Variants in ANKRD35 observed in about 807,000 individuals in gnomAD.
ANKRD35 encodes ankyrin repeat domain-containing protein 35.
ANKRD35 carries 102 observed loss-of-function variants against 109.9 expected under a neutral mutation model. The observed-to-expected ratio is 0.93, with a 90% confidence interval of 0.79 to 1.09. The LOEUF is 1.09. Among genes scored for constraint, ANKRD35 ranks in the 50% least tolerant of loss-of-function variants. The pLI is 0.00. For synonymous variants in ANKRD35, 515 were observed against 512.4 expected (o/e 1.01, Z -0.07); for missense variants, 1,240 against 1,230.1 (o/e 1.01, Z -0.12).
At chr1:145,883,446 A>G (rs1055557429) in intron 1 of ANKRD35, among the ~76,000 whole-genome samples, 3 of 152,242 alleles carry the variant, frequency 2.0e-5, no homozygotes, top group Admixed American at 1.3e-4. Flanking sequence ...TAGGCAGAGT[A>G]AGCTCATAGG....
chr1:145,874,019 C>G (rs1553739594), intron 9 of ANKRD35, 34 bp from the exon 10 acceptor site: 1 of 1,612,286 alleles, frequency 6.2e-7, no homozygotes, highest in Non-Finnish European at 8.5e-7. Context: ...AGTGTGGCCA[C>G]TAGGCAACGA....
At chr1:145,884,422 T>C (rs1654403405) in intron 1 of ANKRD35, among the ~76,000 whole-genome samples, 1 of 152,254 alleles carries the variant, frequency 6.6e-6, no homozygotes, top group East Asian at 1.9e-4. Flanking sequence ...CAGAATGAGC[T>C]AATTGAACAT....
chr1:145,874,334 C>G, intron 8 of ANKRD35, 142 bp from the exon 9 acceptor site: 1 of 954,698 alleles, frequency 1.0e-6, no homozygotes, highest in Non-Finnish European at 1.6e-6. Context: ...TGCCAGAAGC[C>G]AATCTTGTTT....
In ANKRD35 at chr1:145,872,177, G is replaced by T. The variant is rs1553738843; in HGVS notation, c.2592C>A (p.Cys864Ter). 1.9e-6 allele frequency: 3 copies of T among 1,608,712 alleles called. No individual in the cohort carries two copies. Among genetic ancestry groups the T allele is most frequent in the Non-Finnish European group, 2.5e-6 (3 of 1,177,716 alleles). ...KALLEKYNTA[C>*]REVGRLREAV... ...CCTCCCGCAGCCGACCCACTTCCCG[G>T]CAGGCCGTATTATACTTTTCCAACA... Residue 864 changes from cysteine (C) to a stop codon, truncating the protein, a stop_gained, in exon 10 of 14, where the codon TGC becomes TGA. Coordinates refer to ENST00000355594, the MANE Select transcript of ANKRD35 (RefSeq NM_144698.5). LOFTEE classifies it high-confidence loss of function.
intron 10 of ANKRD35, among the ~76,000 whole-genome samples, chr1:145,869,597 T>A (rs1653734184): frequency 1.3e-5 from 2 of 152,120 alleles, no homozygotes; most frequent in Admixed American, 6.5e-5. Context: ...GCCTCCTGAG[T>A]AGCACAGGAA....
intron 9 of ANKRD35, 36 bp downstream of exon 9, chr1:145,874,119 G>A (rs782743667): frequency 5.0e-6 from 8 of 1,613,778 alleles, no homozygotes; most frequent in Middle Eastern, 1.6e-4. Flanking sequence ...CCTGGGGTGT[G>A]TCAAAAGCAA....
At chr1:145,875,838 C>A (rs587734592) in intron 7 of ANKRD35, among the ~76,000 whole-genome samples, 1 of 152,284 alleles carries the variant, frequency 6.6e-6, no homozygotes, top group Non-Finnish European at 1.5e-5. Flanking sequence ...ATTCTACATA[C>A]ATTTTTTATT....
chr1:145,876,623 G>A lies in ANKRD35; in HGVS notation c.399C>T (p.Ala133=), dbSNP rs782467423. 1 of 1,614,184 alleles carries A rather than the reference G, an allele frequency of 6.2e-7. No homozygotes were observed. Among genetic ancestry groups the A allele is most frequent in the Non-Finnish European group, 8.5e-7 (1 of 1,180,036 alleles). The part of the protein sequence containing the change: ...PLHWAASSGC[A]SSVLLLCDHE... ...GGTCACACAGCAGGAGCACACTTGA[G>A]GCACAGCCAGAGGAGGCTGGGGAGA... Residue 133 remains alanine (A), a synonymous_variant, in exon 6 of 14, where the codon GCC becomes GCT. Coordinates refer to ENST00000355594, the MANE Select transcript of ANKRD35 (RefSeq NM_144698.5).
chr1:145,868,765 C>T (rs1419454012), intron 10 of ANKRD35, among the ~76,000 whole-genome samples: 3 of 152,210 alleles, frequency 2.0e-5, no homozygotes, highest in African/African-American at 7.2e-5. Context: ...TATTTCCTCT[C>T]ATGTTTTAAA....
At chr1:145,878,823 G>T (rs1559176837) in intron 2 of ANKRD35, among the ~76,000 whole-genome samples, 1 of 152,174 alleles carries the variant, frequency 6.6e-6, no homozygotes, top group Non-Finnish European at 1.5e-5. Flanking sequence ...GTGAAGGCTG[G>T]ACATTCGAAG....
intron 10 of ANKRD35, among the ~76,000 whole-genome samples, chr1:145,870,178 C>T (rs1410971925): frequency 2.6e-5 from 4 of 151,132 alleles, no homozygotes; most frequent in Admixed American, 6.6e-5. Flanking sequence ...GCAAGCTCCA[C>T]GTCCCGGGCT....
rs782239562 is a variant in ANKRD35 at position 145,879,272 on chromosome 1, C to T, written c.156G>A (p.Ser52=). The T allele has an allele frequency of 3.3e-5, 53 of 1,608,018 alleles. No individual in the cohort carries two copies. Among genetic ancestry groups the T allele is most frequent in the Admixed American group, 8.4e-5 (5 of 59,350 alleles). The change falls in exon 2 of 14, where the codon TCG becomes TCA. Residue 52 remains serine, a synonymous_variant. Coordinates refer to ENST00000355594, the MANE Select transcript of ANKRD35 (RefSeq NM_144698.5). ...RKSARPTKLD[S]NGQSPFHLAA... is the part of the protein sequence containing the mutation. ...GACTGACTTACGGGGACTGGCCATTCGAGTCAAGCTTGGTGGGTCGGGCAG... is the reference window on the plus strand; with the variant it reads ...GACTGACTTACGGGGACTGGCCATTTGAGTCAAGCTTGGTGGGTCGGGCAG...
At chr1:145,876,335 C>CA (rs1359149842) in intron 6 of ANKRD35, 89 bp from the exon 7 acceptor site, 69 of 1,322,760 alleles carry the variant, frequency 5.2e-5, no homozygotes, top group Admixed American at 6.4e-5. Context: ...CACACCTGTC[C>CA]AAAAAAAATA....
At chr1:145,878,142 G>T in intron 3 of ANKRD35, 110 bp from the exon 4 acceptor site, 2 of 1,137,710 alleles carry the variant, frequency 1.8e-6, no homozygotes, top group Non-Finnish European at 1.3e-6. Flanking sequence ...AGGGAGAGAA[G>T]CTTTCAGCCA....
intron 1 of ANKRD35, among the ~76,000 whole-genome samples, chr1:145,882,296 CTTTT>C (rs57073568): frequency 1.9e-5 from 2 of 103,546 alleles, no homozygotes; most frequent in Non-Finnish European, 2.0e-5. Context: ...TCTTTCTTTC[CTTTT>C]TTTTTTTTTT....
In ANKRD35 at chr1:145,872,756, C is replaced by CT. The variant is rs782184904; in HGVS notation, c.2012dup (p.Ser672GlufsTer8). 4.3e-6 allele frequency: 7 copies of CT among 1,614,174 alleles called. No individual in the cohort carries two copies. The highest frequency in any genetic ancestry group is 3.3e-4 in the Middle Eastern group (2 of 6,062). Reference sequence around the variant, plus strand: ...GTTCATTTGTCAGCAGCCCCACACTCTGTCGCAACTGCTGTAGCTGGACCT... The same window carrying CT: ...GTTCATTTGTCAGCAGCCCCACACTCTTGTCGCAACTGCTGTAGCTGGACCT... On this transcript the variant is annotated frameshift_variant, in exon 10 of 14. Transcript: ENST00000355594. LOFTEE classifies it high-confidence loss of function.
At chr1:145,879,435 G>A (rs1654210911) in intron 1 of ANKRD35, 47 bp from the exon 2 acceptor site, 1 of 1,392,094 alleles carries the variant, frequency 7.2e-7, no homozygotes. Flanking sequence ...TGAGGGTAGT[G>A]TGGAGAAAGA....
Position 145,873,577 on chromosome 1 carries a change from C to G in ANKRD35, c.1192G>C (p.Val398Leu). 1.9e-6 allele frequency: 3 copies of G among 1,614,084 alleles called. No individual in the cohort carries two copies. The highest frequency in any genetic ancestry group is 2.2e-5 in the East Asian group (1 of 44,872). ...TCCTCAGCCTTCTTTGGAGCTAATA[C>G]TGGATTTACTGTGGCTGCTGCCTGC... ...QQQAAATVNP[V>L]LAPKKAEDSA... Residue 398 changes from valine (V) to leucine (L), a missense_variant, in exon 10 of 14, where the codon GTA (valine) becomes CTA (leucine). Coordinates refer to ENST00000355594, the MANE Select transcript of ANKRD35 (RefSeq NM_144698.5).
chr1:145,873,525 T>C lies in ANKRD35; in HGVS notation c.1244A>G (p.Glu415Gly). Residue 415 changes from glutamate to glycine, a missense_variant, in exon 10 of 14, where the codon GAA (glutamate) becomes GGA (glycine). Transcript: ENST00000355594. ...EDSAPGKIQY[E>G]VHGRSQPEEQ... is the part of the protein sequence containing the mutation. The stretch of plus-strand genomic sequence containing the variant: ...TTCTGGTTGGGACCTTCCATGGACT[T>C]CATACTGGATCTTTCCTGGGGCTGA... The C allele has an allele frequency of 6.2e-7, 1 of 1,614,076 alleles. No individual in the cohort carries two copies. Among genetic ancestry groups the C allele is most frequent in the Non-Finnish European group, 8.5e-7 (1 of 1,180,012 alleles).
Sources: gnomAD v4.1 joint callset for allele counts (sites outside exome capture counted in the v4.1 genomes callset) on GRCh38, gnomAD v4.1.1 for gene constraint, MANE v1.5 for transcripts, NCBI Gene and HGNC (gene_info 2026-07-23, HGNC 2026-07-21) for gene names.